CASR: variants seen among roughly 807,000 people sequenced by gnomAD.
The protein encoded by CASR is calcium sensing receptor.
CASR carries 23 observed loss-of-function variants against 69.1 expected under a neutral mutation model. That is an observed-to-expected ratio of 0.33 (90% CI 0.24 to 0.47). The LOEUF (loss-of-function observed/expected upper bound fraction) is 0.47, where lower values mean the gene tolerates loss of function less well. Among genes scored for constraint, CASR ranks in the 20% least tolerant of loss-of-function variants. CASR has a pLI of 1.00. For missense variants in CASR, 924 were observed against 1,356.1 expected (o/e 0.68, Z 5.00); for synonymous variants, 541 against 544.7 (o/e 0.99, Z 0.10).
intron 1 of CASR, among the ~76,000 whole-genome samples, chr3:122,207,353 C>T (rs183939108): frequency 6.6e-6 from 1 of 152,254 alleles, no homozygotes; most frequent in East Asian, 1.9e-4. Flanking sequence ...TTTCACCCAA[C>T]TGCTGTAGAA....
Position 122,254,287 on chromosome 3 carries a change from T to G in CASR, c.98T>G (p.Ile33Ser), listed in dbSNP as rs758232331. The stretch of plus-strand genomic sequence containing the variant: ...CGAGCCCAAAAGAAGGGGGACATTA[T>G]CCTTGGGGGGCTCTTTCCTATTCAT... Reference protein sequence around the residue: ...DQRAQKKGDIILGGLFPIHFG... With the variant: ...DQRAQKKGDISLGGLFPIHFG... The change falls in exon 2 of 7, where the codon ATC becomes AGC. Residue 33 changes from isoleucine to serine, a missense_variant. Ile to Ser is a moderately radical substitution (Grantham distance 142). Around this residue, in one of 8 missense-constraint regions of CASR, gnomAD observed 141 missense variants for 283.0 expected, o/e 0.50. Transcript: ENST00000639785. The G allele has an allele frequency of 3.7e-6, 6 of 1,614,008 alleles. No individual in the cohort carries two copies. The Admixed American group carries it at 1.0e-4, about 27-fold the overall frequency.
At chr3:122,235,858 A>G (rs2074325042) in intron 1 of CASR, among the ~76,000 whole-genome samples, 1 of 152,244 alleles carries the variant, frequency 6.6e-6, no homozygotes, top group South Asian at 2.1e-4. Context: ...CACAATTTTT[A>G]GAGCTCAGAA....
chr3:122,242,687 A>G (rs764664864), intron 1 of CASR, among the ~76,000 whole-genome samples: 7 of 152,342 alleles, frequency 4.6e-5, no homozygotes, highest in Non-Finnish European at 8.8e-5. Context: ...TAAAATTTAT[A>G]TGGAACCACA....
intron 1 of CASR, among the ~76,000 whole-genome samples, chr3:122,239,667 C>A (rs1038147925): frequency 6.6e-6 from 1 of 152,184 alleles, no homozygotes; most frequent in Non-Finnish European, 1.5e-5. Context: ...GTGGTAGTGG[C>A]CACAGGGAAG....
intron 1 of CASR, among the ~76,000 whole-genome samples, chr3:122,221,361 C>CACAA (rs2074169292): frequency 6.6e-6 from 1 of 152,140 alleles, no homozygotes; most frequent in Non-Finnish European, 1.5e-5. Flanking sequence ...CTTGTCTCAG[C>CACAA]GCAAGCCCCT....
Position 122,284,311 on chromosome 3 carries a change from T to C in CASR, c.2357T>C (p.Ile786Thr). 6.2e-7 allele frequency: 1 copy of C among 1,614,146 alleles called. No individual in the cohort carries two copies. The highest frequency in any genetic ancestry group is 8.5e-7 in the Non-Finnish European group (1 of 1,180,040). The change falls in exon 7 of 7, where the codon ATC (isoleucine) becomes ACC (threonine). Residue 786 changes from isoleucine (I) to threonine (T), a missense_variant. Ile to Thr is a moderately conservative substitution (Grantham distance 89, BLOSUM62 -1). Around this residue, in one of 8 missense-constraint regions of CASR, gnomAD observed 184 missense variants for 278.8 expected, o/e 0.66. Transcript: ENST00000639785. ...LIGYTCLLAA[I>T]CFFFAFKSRK... is the part of the protein sequence containing the mutation. ...GGCTACACCTGCCTGCTGGCTGCCA[T>C]CTGCTTCTTCTTTGCCTTCAAGTCC...
At chr3:122,272,473 C>T (rs975895236) in intron 4 of CASR, among the ~76,000 whole-genome samples, 1 of 152,170 alleles carries the variant, frequency 6.6e-6, no homozygotes, top group Non-Finnish European at 1.5e-5. Flanking sequence ...CTGTTTTTAA[C>T]ACCTTCCCTC....
chr3:122,272,313 C>G (rs760619335), intron 4 of CASR, among the ~76,000 whole-genome samples: 43 of 152,162 alleles, frequency 2.8e-4, no homozygotes, highest in Non-Finnish European at 5.0e-4. Flanking sequence ...GAAATCTAGC[C>G]TCTTTTTTGC....
rs1202438485 is a variant in CASR, at chr3:122,290,886, C to T, written c.*5695C>T. 9.0e-5 allele frequency: 11 copies of T among 122,856 alleles called. No homozygotes were observed. Among genetic ancestry groups the T allele is most frequent in the Middle Eastern group, 0.01 (2 of 196 alleles). 7.6% of individuals were successfully genotyped at this position (122,856 alleles called of 1,614,324 possible). On this transcript the variant is annotated 3_prime_UTR_variant, in exon 7 of 7. Transcript: ENST00000639785. ...TAATGCTATCCCTCCCCCCTCCCCC[C>T]ACCCCACAATAGGCCCTGGTGTGTG...
At chr3:122,279,184 C>T (rs2074857690) in intron 5 of CASR, among the ~76,000 whole-genome samples, 1 of 152,126 alleles carries the variant, frequency 6.6e-6, no homozygotes, top group Non-Finnish European at 1.5e-5. Flanking sequence ...TCAGAACCAC[C>T]AGGTAGAAAG....
intron 5 of CASR, among the ~76,000 whole-genome samples, chr3:122,277,513 G>A (rs1423159966): frequency 6.6e-6 from 1 of 152,180 alleles, no homozygotes; most frequent in African/African-American, 2.4e-5. Flanking sequence ...CTCATCCACA[G>A]TGTGCCGTTT....
intron 5 of CASR, among the ~76,000 whole-genome samples, chr3:122,281,676 T>C (rs1008366404): frequency 2.0e-5 from 3 of 152,240 alleles, no homozygotes; most frequent in African/African-American, 2.4e-5. Flanking sequence ...ATAATACTTA[T>C]AGATTTGTCT....
At chr3:122,195,273 T>G (rs950303190) in intron 1 of CASR, among the ~76,000 whole-genome samples, 2 of 152,228 alleles carry the variant, frequency 1.3e-5, no homozygotes, top group Non-Finnish European at 2.9e-5. Context: ...GTGCTTTCAT[T>G]TCCTCCCCAT....
chr3:122,241,188 C>A (rs1487582318), intron 1 of CASR, among the ~76,000 whole-genome samples: 3 of 151,232 alleles, frequency 2.0e-5, no homozygotes, highest in Admixed American at 6.6e-5. Flanking sequence ...AAGATCAGAG[C>A]AGAAATAAAT....
chr3:122,241,728 A>G (rs544113334), intron 1 of CASR, among the ~76,000 whole-genome samples: 40 of 152,160 alleles, frequency 2.6e-4, no homozygotes, highest in Non-Finnish European at 5.1e-4. Flanking sequence ...CACACAAAAA[A>G]AAGAAAACTA....
intron 1 of CASR, among the ~76,000 whole-genome samples, chr3:122,240,664 G>T (rs985192258): frequency 6.6e-6 from 1 of 152,178 alleles, no homozygotes; most frequent in African/African-American, 2.4e-5. Flanking sequence ...GACTTAATCT[G>T]CAGTATGAAA....
In CASR at chr3:122,261,911, C is replaced by T. The variant is rs772232871; in HGVS notation, c.876C>T (p.Ile292=). ...TCCGGCGCAATATCACGGGCAAGAT[C>T]TGGCTGGCCAGCGAGGCCTGGGCCA... ...EIVRRNITGK[I]WLASEAWASS... The change falls in exon 4 of 7, where the codon ATC becomes ATT. Residue 292 remains isoleucine (I), a synonymous_variant. Transcript: ENST00000639785. 5.6e-6 allele frequency: 9 copies of T among 1,614,218 alleles called. No homozygotes were observed. The highest frequency in any genetic ancestry group is 6.8e-6 in the Non-Finnish European group (8 of 1,180,020).
chr3:122,183,878 A>C (rs564002114), intron 1 of CASR, 66 bp downstream of exon 1: 1 of 152,238 alleles, frequency 6.6e-6, no homozygotes, highest in South Asian at 2.1e-4. Flanking sequence ...ATCAGAAAAA[A>C]AAAAATTGTG....
At chr3:122,217,972 G>A (rs1486048555) in intron 1 of CASR, among the ~76,000 whole-genome samples, 2 of 152,078 alleles carry the variant, frequency 1.3e-5, no homozygotes, top group Non-Finnish European at 2.9e-5. Context: ...GGGGTTGTAG[G>A]AGACTAAACA....
Sources: allele counts gnomAD v4.1 joint callset (sites outside exome capture counted in the v4.1 genomes callset), GRCh38; gene constraint gnomAD v4.1.1; regional missense constraint gnomAD v4.1.1; transcripts MANE v1.5; gene names NCBI Gene and HGNC (gene_info 2026-07-23, HGNC 2026-07-21).